PTPRS: variants seen among roughly 807,000 people sequenced by gnomAD.
PTPRS encodes the protein protein tyrosine phosphatase receptor type S.
A neutral mutation model predicts 215.3 loss-of-function variants in PTPRS; 63 were observed. The observed-to-expected ratio is 0.29, with a 90% CI of 0.24 to 0.36. PTPRS has a LOEUF of 0.36. PTPRS is among the 10% of genes least tolerant of loss of function. The probability of loss-of-function intolerance (pLI) is 1.00; values close to 1 mark genes in which losing one functional copy is unlikely to be tolerated. For missense variants in PTPRS, 2,258 were observed against 2,825.8 expected, an observed-to-expected ratio of 0.80 and a Z score of 4.56; for synonymous variants, 1,404 against 1,191.4, an observed-to-expected ratio of 1.18 and a Z score of -3.68.
chr19:5,331,508 T>C (rs941702977), intron 1 of PTPRS, among the ~76,000 whole-genome samples: 1 of 152,106 alleles, frequency 6.6e-6, no homozygotes, highest in African/African-American at 2.4e-5. Flanking sequence ...ATCCTGGCCA[T>C]TACACAGAGT....
At chr19:5,261,275 A>C (rs1371752832) in intron 6 of PTPRS, among the ~76,000 whole-genome samples, 1 of 152,012 alleles carries the variant, frequency 6.6e-6, no homozygotes, top group East Asian at 1.9e-4. Flanking sequence ...GGGGACAAGG[A>C]GCAACAGGAA....
Position 5,222,119 on chromosome 19 carries a change from G to A in PTPRS, c.3201+4C>T, listed in dbSNP as rs574540417. 17 of 1,611,410 alleles carry A rather than the reference G, an allele frequency of 1.1e-5. No homozygotes were observed. The highest frequency in any genetic ancestry group is 6.6e-5 in the South Asian group (6 of 91,040). On this transcript the variant is annotated splice_donor_region_variant and intron_variant, in intron 19 of 37. Transcript: ENST00000262963. ...CTGCCTGCCTGCTGGCTGGGCAGTC[G>A]CACCTTGTAGGGTGTGGGTGAGTTG...
In PTPRS at chr19:5,244,768, C is replaced by T. The variant is rs2044323399; in HGVS notation, c.989-286G>A. Among the ~76,000 whole-genome samples, 1 of 152,298 alleles carries T rather than the reference C, an allele frequency of 6.6e-6. No homozygotes were observed. Among genetic ancestry groups the T allele is most frequent in the African/African-American group, 2.4e-5 (1 of 41,562 alleles). On this transcript the variant is annotated intron_variant, in intron 10 of 37. Coordinates refer to ENST00000262963, the MANE Select transcript of PTPRS (RefSeq NM_002850.4). The surrounding 1 kb of genome is among the most constrained non-coding windows in gnomAD (Gnocchi z 7.2). Reference sequence around the variant, plus strand: ...CACTGCAAGCTCCGTCTCCCGGGTTCACACAATTCTCCTGCCTCAGCCTCC... The same window carrying T: ...CACTGCAAGCTCCGTCTCCCGGGTTTACACAATTCTCCTGCCTCAGCCTCC...
intron 20 of PTPRS, 60 bp from the exon 21 acceptor site, chr19:5,220,413 C>T (rs2041876727): frequency 7.1e-7 from 1 of 1,401,870 alleles, no homozygotes; most frequent in Non-Finnish European, 1.0e-6. Context: ...AGGGATGCTT[C>T]ATGGGGGCAA....
rs199516230 is a variant in PTPRS, at chr19:5,215,276, A to T, written c.4318+13T>A. On this transcript the variant is annotated intron_variant, in intron 28 of 37. Transcript: ENST00000262963. ...GGGGAAGGGCAGGTTAAGACCCGGG[A>T]TCTCCGAACTACCTTCAATGGGCTG... 3.7e-5 allele frequency: 60 copies of T among 1,612,958 alleles called. No homozygotes were observed. The highest frequency in any genetic ancestry group is 2.5e-6 in the Non-Finnish European group (3 of 1,179,234).
chr19:5,250,457 C>T (rs1256203691), intron 9 of PTPRS, among the ~76,000 whole-genome samples: 3 of 152,138 alleles, frequency 2.0e-5, no homozygotes, highest in East Asian at 1.9e-4. Flanking sequence ...ACGGTGCCCA[C>T]GGGACGGAGA....
At chr19:5,252,574 CAAAAAA>C (rs56215560) in intron 9 of PTPRS, among the ~76,000 whole-genome samples, 4 of 66,794 alleles carry the variant, frequency 6.0e-5, no homozygotes, top group South Asian at 6.4e-4. Context: ...GAGATTCTGT[CAAAAAA>C]AAAAAAAAAA....
intron 1 of PTPRS, among the ~76,000 whole-genome samples, chr19:5,323,812 G>C (rs1228548881): frequency 6.6e-6 from 1 of 152,236 alleles, no homozygotes; most frequent in Non-Finnish European, 1.5e-5. Context: ...AGAACTGAAA[G>C]ATGTCATTGT....
intron 5 of PTPRS, 109 bp downstream of exon 5, chr19:5,264,899 A>G (rs1201944808): frequency 2.6e-5 from 34 of 1,295,498 alleles, no homozygotes; most frequent in Non-Finnish European, 3.5e-5. Context: ...ACGGCCACAC[A>G]CTGTCTCTGT....
chr19:5,231,595 C>T lies in PTPRS; in HGVS notation c.1870G>A (p.Asp624Asn). The T allele has an allele frequency of 6.5e-7, 1 of 1,533,392 alleles. No homozygotes were observed. 95.0% of individuals were successfully genotyped at this position (1,533,392 alleles called of 1,614,324 possible). A position where few individuals can be genotyped will look rare whatever the true frequency, so the allele number is the denominator to read the frequency against. ...LQSKPSAPPQ[D>N]VKCVSVRSTA... is the part of the protein sequence containing the mutation. ...GAGCGCACGCTGACACATTTAACGT[C>T]TTGAGGGGGGGCTGACGGTTCTATT... is the stretch of plus-strand genomic sequence containing the variant. The change falls in exon 14 of 38, where the codon GAC becomes AAC. Residue 624 changes from aspartate to asparagine, a missense_variant. Asp to Asn is a conservative substitution (Grantham distance 23). Transcript: ENST00000262963.
rs1055318516 is a variant in PTPRS, at chr19:5,239,210, G to A, written c.1705-147C>T. 11 of 628,880 alleles carry A rather than the reference G, an allele frequency of 1.7e-5. No individual in the cohort carries two copies. In the African/African-American group the frequency reaches 1.9e-4, roughly 11 times the overall value. 39.0% of individuals were successfully genotyped at this position (628,880 alleles called of 1,614,324 possible). ...GAGACAGAGAAATAGAGACAGGGGT[G>A]CGGCAGAGAGGGACAGAGAGGGATG... On this transcript the variant is annotated intron_variant, in intron 12 of 37. Transcript: ENST00000262963.
chr19:5,274,551 C>T (rs1327371161), intron 2 of PTPRS, among the ~76,000 whole-genome samples: 2 of 152,188 alleles, frequency 1.3e-5, no homozygotes, highest in Admixed American at 1.3e-4. Flanking sequence ...CAGGTGCCCA[C>T]ATATCCCCAC....
chr19:5,326,204 C>G (rs2050162364), intron 1 of PTPRS, among the ~76,000 whole-genome samples: 1 of 152,138 alleles, frequency 6.6e-6, no homozygotes, highest in African/African-American at 2.4e-5. Flanking sequence ...GCACTCCAGC[C>G]TGGGCGACAG....
chr19:5,211,987 G>C lies in PTPRS; in HGVS notation c.5033C>G (p.Thr1678Ser). 3 of 1,609,950 alleles carry C rather than the reference G, an allele frequency of 1.9e-6. No individual in the cohort carries two copies. Among genetic ancestry groups the C allele is most frequent in the African/African-American group, 1.3e-5 (1 of 74,952 alleles). The change falls in exon 32 of 38, where the codon ACT (threonine) becomes AGT (serine). Residue 1678 changes from threonine to serine, a missense_variant. This residue lies in a region of PTPRS where 927 missense variants were observed against 1,125.9 expected (regional missense o/e 0.82). Coordinates refer to ENST00000262963, the MANE Select transcript of PTPRS (RefSeq NM_002850.4). Reference protein sequence around the residue: ...LAQVEPGEHVTGMELEFKRLA... With the variant: ...LAQVEPGEHVSGMELEFKRLA... ...CACCTTGAACTCGAGTTCCATGCCA[G>C]TGACGTGTTCGCCAGGCTCCACCTG...
chr19:5,210,886 G>C lies in PTPRS; in HGVS notation c.5235-81C>G, dbSNP rs985717146. 3 of 1,530,142 alleles carry C rather than the reference G, an allele frequency of 2.0e-6. No homozygotes were observed. Among genetic ancestry groups the C allele is most frequent in the African/African-American group, 2.7e-5 (2 of 73,452 alleles). The allele number at this position is 1,530,142 out of a possible 1,614,324, so 94.8% of individuals were successfully genotyped here. A position where few individuals can be genotyped will look rare whatever the true frequency, so the allele number is the denominator to read the frequency against. ...CACCTGATGCTGCCCGGGAGGGTCA[G>C]GACCAAGCCAGTGACAGCTACACCT... On this transcript the variant is annotated intron_variant, in intron 33 of 37. Coordinates refer to ENST00000262963, the MANE Select transcript of PTPRS (RefSeq NM_002850.4). The surrounding 1 kb of genome is among the most constrained non-coding windows in gnomAD (Gnocchi z 4.5).
At chr19:5,332,088 C>T (rs1600145051) in intron 1 of PTPRS, among the ~76,000 whole-genome samples, 2 of 151,824 alleles carry the variant, frequency 1.3e-5, no homozygotes, top group East Asian at 1.9e-4. Context: ...CTGTACTGTG[C>T]CATGTTAAGA....
intron 13 of PTPRS, 42 bp downstream of exon 13, chr19:5,238,877 T>C (rs940976994): frequency 1.3e-6 from 2 of 1,537,178 alleles, no homozygotes; most frequent in Non-Finnish European, 1.7e-6. Context: ...GGTCAGGCCG[T>C]GGTCCCTCCC....
rs757537399 is a variant in PTPRS, at chr19:5,211,602, A to G, written c.5222T>C (p.Ile1741Thr). ...EGSDYINASF[I>T]DGYRQQKAYI... is the part of the protein sequence containing the mutation. ...GCATGGCACCTACCTGTAGCCATCA[A>G]TGAAGCTGGCGTTGATGTAGTCAGA... The change falls in exon 33 of 38, where the codon ATT (isoleucine) becomes ACT (threonine). Residue 1741 changes from isoleucine (I) to threonine (T), a missense_variant. Ile to Thr is a moderately conservative substitution (Grantham distance 89). Around this residue, in one of 6 missense-constraint regions of PTPRS, gnomAD observed 927 missense variants for 1,125.9 expected, o/e 0.82. Coordinates refer to ENST00000262963, the MANE Select transcript of PTPRS (RefSeq NM_002850.4). 12 of 1,608,076 alleles carry G rather than the reference A, an allele frequency of 7.5e-6. No homozygotes were observed. The highest frequency in any genetic ancestry group is 4.4e-5 in the South Asian group (4 of 90,994).
chr19:5,282,245 C>T lies in PTPRS; in HGVS notation c.91+3805G>A, dbSNP rs10409048. ...CATCACTGCAGAGCAGATACCCTCT[C>T]GGTCTTCTCCAGGCAGCTTTGGGAT... On this transcript the variant is annotated intron_variant, in intron 2 of 37. Coordinates refer to ENST00000262963, the MANE Select transcript of PTPRS (RefSeq NM_002850.4). 3.9e-3 allele frequency among the ~76,000 whole-genome samples: 598 copies of T among 152,276 alleles called. 6 individuals carry two copies. The highest frequency in any genetic ancestry group is 0.014 in the African/African-American group (573 of 41,570).
Sources: gnomAD v4.1 joint callset for allele counts (sites outside exome capture counted in the v4.1 genomes callset) on GRCh38, gnomAD v4.1.1 for gene constraint, gnomAD v4.1.1 regional missense constraint, Gnocchi (gnomAD v3.1) non-coding constraint, MANE v1.5 for transcripts, NCBI Gene and HGNC (gene_info 2026-07-23, HGNC 2026-07-21) for gene names.